HDX: variants seen among roughly 807,000 people sequenced by gnomAD.
HDX encodes the protein highly divergent homeobox.
Under a neutral mutation model 45.2 loss-of-function variants are expected in HDX, and 19 were observed. The ratio of observed to expected loss-of-function variants is 0.42; its 90% confidence interval spans 0.29 to 0.62. The LOEUF is 0.62. Ranked by LOEUF, HDX falls within the 20% of genes least tolerant of loss-of-function variation. The pLI, the probability that HDX is intolerant of heterozygous loss-of-function variation, is 0.20. For synonymous variants in HDX, 188 were observed against 172.8 expected (o/e 1.09, Z -0.69); for missense variants, 532 against 493.9 (o/e 1.08, Z -0.73).
chrX:84,418,903 G>T (rs1017062148), intron 5 of HDX, among the ~76,000 whole-genome samples: 2 of 111,040 alleles, frequency 1.8e-5, no homozygotes, highest in African/African-American at 6.6e-5. Context: ...GAGAGAAGAG[G>T]GAAGAGAGGG....
intron 6 of HDX, among the ~76,000 whole-genome samples, chrX:84,354,397 T>A (rs1005474418): frequency 9.0e-6 from 1 of 111,557 alleles, no homozygotes; most frequent in African/African-American, 3.3e-5. Flanking sequence ...GTATGCTATA[T>A]ATAGAGGGTA....
At chrX:84,486,825 T>A in intron 2 of HDX, among the ~76,000 whole-genome samples, 1 of 111,336 alleles carries the variant, frequency 9.0e-6, no homozygotes, top group Admixed American at 9.6e-5. Flanking sequence ...TAATTTTCTT[T>A]GATTTTATAT....
intron 5 of HDX, among the ~76,000 whole-genome samples, chrX:84,402,157 C>T (rs1375033155): frequency 1.8e-5 from 2 of 111,149 alleles, no homozygotes; most frequent in Non-Finnish European, 3.8e-5. Context: ...ACATGTATAC[C>T]TATGTAACAA....
chrX:84,402,898 G>T (rs747714621), intron 5 of HDX, among the ~76,000 whole-genome samples: 1 of 111,240 alleles, frequency 9.0e-6, no homozygotes, highest in South Asian at 3.7e-4. Flanking sequence ...AATCTAAAAC[G>T]TGTAAAATAA....
chrX:84,388,951 C>T (rs913115949), intron 5 of HDX, among the ~76,000 whole-genome samples: 2 of 111,616 alleles, frequency 1.8e-5, no homozygotes, highest in African/African-American at 6.5e-5. Flanking sequence ...ATTCCTTTAA[C>T]TGTGGTGTAA....
At chrX:84,373,888 A>G (rs1403668729) in intron 5 of HDX, among the ~76,000 whole-genome samples, 2 of 110,181 alleles carry the variant, frequency 1.8e-5, no homozygotes, top group African/African-American at 6.6e-5. Flanking sequence ...TATTCAACAT[A>G]GTGTTGGAAG....
At chrX:84,349,025 C>T in intron 6 of HDX, among the ~76,000 whole-genome samples, 1 of 111,269 alleles carries the variant, frequency 9.0e-6, no homozygotes, top group Non-Finnish European at 1.9e-5. Flanking sequence ...AAGTGTCACC[C>T]CCTCCATGAT....
At chrX:84,477,134 G>T (rs935388357) in intron 2 of HDX, among the ~76,000 whole-genome samples, 2 of 111,609 alleles carry the variant, frequency 1.8e-5, no homozygotes, top group Non-Finnish European at 3.8e-5. Context: ...GCTGCAGTCA[G>T]GAGAAGAGCC....
chrX:84,464,828 A>G (rs1231270092), intron 4 of HDX, among the ~76,000 whole-genome samples: 1 of 112,173 alleles, frequency 8.9e-6, no homozygotes, highest in East Asian at 2.8e-4. Context: ...GACAAATGGC[A>G]TCTAATTAAA....
chrX:84,421,055 T>C (rs1163535696), intron 5 of HDX, among the ~76,000 whole-genome samples: 1 of 111,806 alleles, frequency 8.9e-6, no homozygotes, highest in East Asian at 2.8e-4. Flanking sequence ...AAAGGCATAT[T>C]GATGAAGAGA....
intron 10 of HDX, among the ~76,000 whole-genome samples, chrX:84,323,169 A>G (rs2036633486): frequency 9.0e-6 from 1 of 111,157 alleles, no homozygotes; most frequent in East Asian, 2.8e-4. Context: ...TATCTGGCAG[A>G]CTAGCTGTTA....
chrX:84,489,261 G>C (rs1361907515), intron 1 of HDX, among the ~76,000 whole-genome samples: 1 of 111,489 alleles, frequency 9.0e-6, no homozygotes, highest in African/African-American at 3.3e-5. Context: ...ATGGAAAGTT[G>C]GATTAAAATC....
chrX:84,427,872 T>C (rs1006304544), intron 5 of HDX, among the ~76,000 whole-genome samples: 3 of 111,049 alleles, frequency 2.7e-5, no homozygotes, highest in East Asian at 2.8e-4. Context: ...CTTTTAGAAA[T>C]TGTCAAACTG....
intron 5 of HDX, among the ~76,000 whole-genome samples, chrX:84,410,496 G>T (rs1332113798): frequency 9.0e-6 from 1 of 111,610 alleles, no homozygotes. Context: ...AACAAATCTT[G>T]AATCCCAGGA....
chrX:84,401,657 A>C (rs962378703), intron 5 of HDX, among the ~76,000 whole-genome samples: 3 of 111,952 alleles, frequency 2.7e-5, no homozygotes, highest in African/African-American at 9.7e-5. Context: ...GCGATTCCTC[A>C]AGGATCTAGA....
intron 8 of HDX, among the ~76,000 whole-genome samples, chrX:84,335,754 T>C (rs2036945959): frequency 9.0e-6 from 1 of 111,185 alleles, no homozygotes; most frequent in Non-Finnish European, 1.9e-5. Flanking sequence ...TGTATGCTTG[T>C]TAAACTTAGT....
intron 4 of HDX, 121 bp downstream of exon 4, chrX:84,468,351 C>T (rs2040392890): frequency 2.4e-6 from 1 of 425,181 alleles, no homozygotes; most frequent in Admixed American, 4.9e-5. Context: ...AACCCCAAAC[C>T]ACCACTTTGA....
At chrX:84,324,769 A>G (rs2036673094) in intron 10 of HDX, among the ~76,000 whole-genome samples, 1 of 110,893 alleles carries the variant, frequency 9.0e-6, no homozygotes. Context: ...TTACTTGGCC[A>G]TATAACTCTC....
chrX:84,325,518 T>C (rs1301072687), intron 10 of HDX, among the ~76,000 whole-genome samples: 2 of 111,812 alleles, frequency 1.8e-5, no homozygotes, highest in Non-Finnish European at 3.8e-5. Context: ...AATTATTATA[T>C]AGATCTCACA....
Sources: allele counts gnomAD v4.1 joint callset (sites outside exome capture counted in the v4.1 genomes callset), GRCh38; gene constraint gnomAD v4.1.1; transcripts MANE v1.5; gene names NCBI Gene and HGNC (gene_info 2026-07-23, HGNC 2026-07-21).